Variants in OPRPN observed in about 807,000 individuals in gnomAD.
OPRPN encodes opiorphin prepropeptide, also known as basic proline-rich lacrimal protein.
A neutral mutation model predicts 2.2 loss-of-function variants in OPRPN; 1 was observed. The observed-to-expected ratio is 0.45, with a 90% CI of 0.16 to 2.15. OPRPN has a LOEUF of 2.15. Ranked by LOEUF, OPRPN falls within the 30% of genes most tolerant of loss-of-function variation. The pLI is 0.28. For synonymous variants in OPRPN, 126 were observed against 111.5 expected (o/e 1.13, Z -0.82); for missense variants, 306 against 297.3 (o/e 1.03, Z -0.21).
At chr4:70,403,488 A>G (rs1019459939) in intron 2 of OPRPN, among the ~76,000 whole-genome samples, 1 of 152,228 alleles carries the variant, frequency 6.6e-6, no homozygotes, top group Non-Finnish European at 1.5e-5. Context: ...CTGATATTTC[A>G]TTTACAAAAT....
chr4:70,402,834 A>G (rs1211236409), intron 2 of OPRPN, among the ~76,000 whole-genome samples: 3 of 151,978 alleles, frequency 2.0e-5, no homozygotes, highest in African/African-American at 4.8e-5. Flanking sequence ...GCCTAGTGTG[A>G]AGAATAAGGA....
Position 70,409,880 on chromosome 4 carries a change from A to C in OPRPN, c.552A>C (p.Ser184=). 1 of 1,613,808 alleles carries C rather than the reference A, an allele frequency of 6.2e-7. No individual in the cohort carries two copies. Among genetic ancestry groups the C allele is most frequent in the Non-Finnish European group, 8.5e-7 (1 of 1,179,896 alleles). Residue 184 remains serine (S), a synonymous_variant, in exon 3 of 3, where the codon TCA becomes TCC. Transcript: ENST00000399575. ...GCTCCTCAACAGTACCTATCTCTTCAACACCAGAGCCTGCCACCTCCATAT... is the reference window on the plus strand; with the variant it reads ...GCTCCTCAACAGTACCTATCTCTTCCACACCAGAGCCTGCCACCTCCATAT... ...TISSSTVPIS[S]TPEPATSISA...
In OPRPN at chr4:70,399,207, T is replaced by A. The variant is rs189075672; in HGVS notation, c.-15-64T>A. On this transcript the variant is annotated intron_variant, in intron 1 of 2. Transcript: ENST00000399575. ...ACAAGTGTTAAAATGTTTTAAAAAA[T>A]TTTTTCTGAAAAACACTGTTGATCG... 2.8e-4 allele frequency: 339 copies of A among 1,225,324 alleles called. 1 individual carries two copies. In the African/African-American group the frequency reaches 3.2e-3, roughly 12 times the overall value. The allele number at this position is 1,225,324 out of a possible 1,614,324, so 75.9% of individuals were successfully genotyped here.
intron 2 of OPRPN, among the ~76,000 whole-genome samples, chr4:70,400,272 T>C (rs974447083): frequency 1.3e-5 from 2 of 151,948 alleles, no homozygotes; most frequent in African/African-American, 4.8e-5. Flanking sequence ...CATAATATAG[T>C]ATCTACCTAA....
chr4:70,409,862 A>G lies in OPRPN; in HGVS notation c.534A>G (p.Ser178=), dbSNP rs375830136. ...STKPTMTISS[S]TVPISSTPEP... is the part of the protein sequence containing the mutation. ...AACCCACAATGACGATCAGCTCCTC[A>G]ACAGTACCTATCTCTTCAACACCAG... is the stretch of plus-strand genomic sequence containing the variant. The change falls in exon 3 of 3, where the codon TCA becomes TCG. Residue 178 remains serine, a synonymous_variant. Transcript: ENST00000399575. The G allele has an allele frequency of 7.4e-6, 12 of 1,613,488 alleles. No homozygotes were observed. The highest frequency in any genetic ancestry group is 1.6e-4 in the Middle Eastern group (1 of 6,082).
chr4:70,409,712 T>G lies in OPRPN; in HGVS notation c.384T>G (p.Pro128=). 1.2e-6 allele frequency: 2 copies of G among 1,612,040 alleles called. No individual in the cohort carries two copies. Among genetic ancestry groups the G allele is most frequent in the Non-Finnish European group, 1.7e-6 (2 of 1,178,486 alleles). Residue 128 remains proline (P), a synonymous_variant, in exon 3 of 3, where the codon CCT becomes CCG. Transcript: ENST00000399575. The part of the protein sequence containing the change: ...RILKPPFPPI[P]FFLAIYLPIS... ...TAAAACCCCCATTTCCTCCTATTCC[T>G]TTTTTTCTTGCTATTTACCTTCCTA...
At chr4:70,405,612 C>A (rs992997707) in intron 2 of OPRPN, among the ~76,000 whole-genome samples, 2 of 152,198 alleles carry the variant, frequency 1.3e-5, no homozygotes, top group African/African-American at 4.8e-5. Flanking sequence ...TCTGAGATTT[C>A]AATCTGCATC....
intron 1 of OPRPN, 135 bp downstream of exon 1, chr4:70,398,175 A>AG (rs1481788167): frequency 6.6e-6 from 1 of 151,400 alleles, no homozygotes; most frequent in East Asian, 1.9e-4. Context: ...TGTGTTTTTA[A>AG]AAAAAAAATC....
chr4:70,402,312 A>C (rs531639481), intron 2 of OPRPN, among the ~76,000 whole-genome samples: 11 of 152,230 alleles, frequency 7.2e-5, no homozygotes, highest in African/African-American at 2.2e-4. Context: ...TTTGAGTAAC[A>C]AGGCCCTGGT....
intron 1 of OPRPN, among the ~76,000 whole-genome samples, chr4:70,398,924 A>C (rs959579020): frequency 6.6e-6 from 1 of 151,962 alleles, no homozygotes; most frequent in East Asian, 1.9e-4. Flanking sequence ...TTAAGTAAAC[A>C]TACTAAAAGT....
intron 2 of OPRPN, among the ~76,000 whole-genome samples, chr4:70,407,050 C>T (rs568665451): frequency 5.9e-5 from 9 of 152,258 alleles, no homozygotes; most frequent in African/African-American, 1.2e-4. Context: ...ACTGTTCCCT[C>T]CCTGAGATGT....
rs1382139759 is a variant in OPRPN, at chr4:70,410,032, C to G, written c.704C>G (p.Ala235Gly). Residue 235 changes from alanine to glycine, a missense_variant, in exon 3 of 3, where the codon GCC becomes GGC. Transcript: ENST00000399575. The stretch of plus-strand genomic sequence containing the variant: ...AACCAAACTATATTAAGCAGCCCAG[C>G]CTTTAAAAGTTTTTGGCAAAAACTC... ...TSNQTILSSP[A>G]FKSFWQKLFA... 6.4e-7 allele frequency: 1 copy of G among 1,568,808 alleles called. No homozygotes were observed. Among genetic ancestry groups the G allele is most frequent in the East Asian group, 2.3e-5 (1 of 44,380 alleles).
At chr4:70,401,810 C>T (rs1732989380) in intron 2 of OPRPN, among the ~76,000 whole-genome samples, 1 of 152,084 alleles carries the variant, frequency 6.6e-6, no homozygotes, top group African/African-American at 2.4e-5. Context: ...ATCTGCCATG[C>T]TCACAAGATG....
Position 70,409,686 on chromosome 4 carries a change from T to A in OPRPN, c.358T>A (p.Leu120Ile). ...TTACTATGTAGGACCTATTAGGATATTAAAACCCCCATTTCCTCCTATTCC... is the reference window on the plus strand; with the variant it reads ...TTACTATGTAGGACCTATTAGGATAATAAAACCCCCATTTCCTCCTATTCC... The part of the protein sequence containing the change: ...RPYYVGPIRI[L>I]KPPFPPIPFF... The change falls in exon 3 of 3, where the codon TTA becomes ATA. Residue 120 changes from leucine (L) to isoleucine (I), a missense_variant. Transcript: ENST00000399575. 2 of 1,613,862 alleles carry A rather than the reference T, an allele frequency of 1.2e-6. No individual in the cohort carries two copies. The highest frequency in any genetic ancestry group is 1.7e-6 in the Non-Finnish European group (2 of 1,179,854).
chr4:70,400,485 T>C (rs1732954218), intron 2 of OPRPN, among the ~76,000 whole-genome samples: 1 of 151,978 alleles, frequency 6.6e-6, no homozygotes, highest in South Asian at 2.1e-4. Flanking sequence ...ATGAGATACC[T>C]ATATCAGAAA....
chr4:70,409,733 T>G lies in OPRPN; in HGVS notation c.405T>G (p.Leu135=), dbSNP rs746193627. The G allele has an allele frequency of 1.7e-5, 28 of 1,613,180 alleles. No individual in the cohort carries two copies. In the South Asian group the frequency reaches 3.1e-4, roughly 18 times the overall value. The change falls in exon 3 of 3, where the codon CTT becomes CTG. Residue 135 remains leucine, a synonymous_variant. Transcript: ENST00000399575. ...TTCCTTTTTTTCTTGCTATTTACCTTCCTATCTCTAACCCTGAGCCCCAAA... is the reference window on the plus strand; with the variant it reads ...TTCCTTTTTTTCTTGCTATTTACCTGCCTATCTCTAACCCTGAGCCCCAAA... ...PPIPFFLAIY[L]PISNPEPQIN...
intron 2 of OPRPN, among the ~76,000 whole-genome samples, chr4:70,407,506 T>G (rs932181664): frequency 6.6e-6 from 1 of 152,232 alleles, no homozygotes; most frequent in Non-Finnish European, 1.5e-5. Flanking sequence ...TTGTCACTGA[T>G]CTTTGTAAGA....
intron 2 of OPRPN, among the ~76,000 whole-genome samples, chr4:70,401,057 A>G (rs1732975284): frequency 6.6e-6 from 1 of 152,058 alleles, no homozygotes; most frequent in Non-Finnish European, 1.5e-5. Context: ...GGAGTCCTAC[A>G]TAAAGCATCT....
In OPRPN at chr4:70,408,179, T is replaced by G. The variant is rs556677084; in HGVS notation, c.52-1201T>G. ...GTTTGCATAGAGTTGATCCAAAAGTTTGATGTTTCTGAAGGCAATATGGCA... is the reference window on the plus strand; with the variant it reads ...GTTTGCATAGAGTTGATCCAAAAGTGTGATGTTTCTGAAGGCAATATGGCA... On this transcript the variant is annotated intron_variant, in intron 2 of 2. Transcript: ENST00000399575. Among the ~76,000 whole-genome samples, 324 of 152,272 alleles carry G rather than the reference T, an allele frequency of 2.1e-3. 1 individual carries two copies. Among genetic ancestry groups the G allele is most frequent in the African/African-American group, 7.2e-3 (298 of 41,570 alleles).
Sources: gnomAD v4.1 joint callset for allele counts (sites outside exome capture counted in the v4.1 genomes callset) on GRCh38, gnomAD v4.1.1 for gene constraint, MANE v1.5 for transcripts, NCBI Gene and HGNC (gene_info 2026-07-23, HGNC 2026-07-21) for gene names.